ATP9B: variants seen among roughly 807,000 people sequenced by gnomAD.
ATP9B encodes the protein ATPase phospholipid transporting 9B, also known as probable phospholipid-transporting ATPase IIB.
Under a neutral mutation model 146.1 loss-of-function variants are expected in ATP9B, and 110 were observed. The ratio of observed to expected loss-of-function variants is 0.75; its 90% CI spans 0.65 to 0.88. ATP9B has a LOEUF of 0.88. Ranked by LOEUF, ATP9B falls within the 40% of genes least tolerant of loss-of-function variation. The pLI is 0.00. For synonymous variants in ATP9B, 604 were observed against 569.7 expected, an observed-to-expected ratio of 1.06 and a Z score of -0.86; for missense variants, 1,499 against 1,496.4, an observed-to-expected ratio of 1.00 and a Z score of -0.03.
chr18:79,367,491 T>C (rs555884), intron 26 of ATP9B, among the ~76,000 whole-genome samples: 10 of 112,084 alleles, frequency 8.9e-5, no homozygotes, highest in Admixed American at 1.8e-4. Flanking sequence ...TCACCTGCAC[T>C]GTGTGTACGC....
chr18:79,337,609 C>A (rs1426607677), intron 19 of ATP9B, among the ~76,000 whole-genome samples, 160 bp downstream of exon 19: 1 of 152,198 alleles, frequency 6.6e-6, no homozygotes, highest in Non-Finnish European at 1.5e-5. Context: ...TTAGGGACAT[C>A]TGCAGCTGGT....
chr18:79,145,507 G>A (rs1220838529), intron 6 of ATP9B: 1 of 87,968 alleles, frequency 1.1e-5, no homozygotes, highest in Non-Finnish European at 2.3e-5. Context: ...GCATGTCGGG[G>A]GAGCTGGCGG....
chr18:79,338,757 C>T (rs1354672400), intron 19 of ATP9B, among the ~76,000 whole-genome samples: 3 of 152,122 alleles, frequency 2.0e-5, no homozygotes, highest in African/African-American at 7.2e-5. Flanking sequence ...TCATTGAAGC[C>T]GAAAGGTCAA....
intron 1 of ATP9B, among the ~76,000 whole-genome samples, chr18:79,091,604 T>C (rs1025591865): frequency 1.3e-5 from 2 of 152,236 alleles, no homozygotes; most frequent in African/African-American, 4.8e-5. Context: ...CATATAGAAA[T>C]GCTACTTATT....
intron 5 of ATP9B, among the ~76,000 whole-genome samples, chr18:79,131,988 G>A (rs1015500885): frequency 2.0e-5 from 3 of 152,238 alleles, no homozygotes; most frequent in African/African-American, 7.2e-5. Flanking sequence ...TGCCTAACAG[G>A]CATTGGGTTT....
At chr18:79,269,520 G>C (rs1347514320) in intron 12 of ATP9B, among the ~76,000 whole-genome samples, 1 of 152,054 alleles carries the variant, frequency 6.6e-6, no homozygotes, top group Admixed American at 6.5e-5. Flanking sequence ...GTATCCGTTT[G>C]TTTTATAATC....
intron 9 of ATP9B, among the ~76,000 whole-genome samples, chr18:79,204,386 T>A (rs1199085948): frequency 6.6e-6 from 1 of 152,194 alleles, no homozygotes; most frequent in Non-Finnish European, 1.5e-5. Flanking sequence ...TAAACCACTT[T>A]TACAGCCCTC....
intron 23 of ATP9B, 87 bp downstream of exon 23, chr18:79,345,926 C>T (rs1039190965): frequency 2.1e-6 from 3 of 1,452,704 alleles, no homozygotes; most frequent in Non-Finnish European, 2.9e-6. Flanking sequence ...GTACACTCAG[C>T]ACCTACTTGG....
At chr18:79,258,438 AAAT>A (rs766216188) in intron 12 of ATP9B, among the ~76,000 whole-genome samples, 1 of 152,164 alleles carries the variant, frequency 6.6e-6, no homozygotes, top group East Asian at 1.9e-4. Context: ...TCGAAAGAAA[AAAT>A]AATAATAATA....
intron 12 of ATP9B, among the ~76,000 whole-genome samples, chr18:79,263,604 C>T (rs1280224178): frequency 6.6e-6 from 1 of 152,132 alleles, no homozygotes; most frequent in Non-Finnish European, 1.5e-5. Flanking sequence ...GTGTACAGGA[C>T]GTTGTGTTGT....
chr18:79,329,234 C>T lies in ATP9B; in HGVS notation c.1867C>T (p.Leu623Phe), dbSNP rs1447523264. 1.2e-6 allele frequency: 2 copies of T among 1,612,772 alleles called. No homozygotes were observed. The highest frequency in any genetic ancestry group is 1.3e-5 in the African/African-American group (1 of 74,886). Residue 623 changes from leucine (L) to phenylalanine (F), a missense_variant, in exon 16 of 30, where the codon CTC (leucine) becomes TTC (phenylalanine). Leu to Phe is a conservative substitution (Grantham distance 22). Coordinates refer to ENST00000426216, the MANE Select transcript of ATP9B (RefSeq NM_198531.5). ...MQLKTPSGQVLSFCILQLFPF... is the reference protein window; with the variant it reads ...MQLKTPSGQVFSFCILQLFPF... ...GCTGAAGACCCCCAGTGGCCAGGTCCTCAGCTTCTGCATTCTGCAGCTGTT... is the reference window on the plus strand; with the variant it reads ...GCTGAAGACCCCCAGTGGCCAGGTCTTCAGCTTCTGCATTCTGCAGCTGTT...
chr18:79,163,234 CTT>C (rs1297044577), intron 7 of ATP9B, among the ~76,000 whole-genome samples: 7 of 152,180 alleles, frequency 4.6e-5, no homozygotes, highest in Admixed American at 2.6e-4. Context: ...CTGTACTTAA[CTT>C]GAGTAAAAGT....
chr18:79,337,684 G>A (rs932511942), intron 19 of ATP9B, among the ~76,000 whole-genome samples: 30 of 152,190 alleles, frequency 2.0e-4, no homozygotes, highest in Admixed American at 9.8e-4. Context: ...TCCCTCTCTG[G>A]ATACCCCAGC....
chr18:79,082,190 G>T (rs2073338771), intron 1 of ATP9B, among the ~76,000 whole-genome samples: 1 of 152,036 alleles, frequency 6.6e-6, no homozygotes, highest in Non-Finnish European at 1.5e-5. Context: ...TCTTCCACTT[G>T]ATTTGGCTAT....
intron 15 of ATP9B, among the ~76,000 whole-genome samples, chr18:79,320,447 C>T (rs748644366): frequency 1.1e-4 from 16 of 152,278 alleles, no homozygotes; most frequent in African/African-American, 3.1e-4. Context: ...GCTGCGCGGC[C>T]GGCACTCCAC....
At chr18:79,241,616 C>G (rs2095889810) in intron 11 of ATP9B, among the ~76,000 whole-genome samples, 1 of 152,228 alleles carries the variant, frequency 6.6e-6, no homozygotes, top group South Asian at 2.1e-4. Context: ...AGACAATTCA[C>G]TAATTACTAG....
At chr18:79,103,847 G>GC (rs1317568788) in intron 2 of ATP9B, among the ~76,000 whole-genome samples, 4 of 152,100 alleles carry the variant, frequency 2.6e-5, no homozygotes, top group Admixed American at 2.6e-4. Context: ...GGTGAGGTAG[G>GC]CCCCCACGAC....
chr18:79,196,159 G>T (rs543945590), intron 9 of ATP9B, among the ~76,000 whole-genome samples: 122 of 152,338 alleles, frequency 8.0e-4, no homozygotes, highest in Non-Finnish European at 1.5e-3. Context: ...TTTCCAGGAG[G>T]CTCAGGGGAA....
At chr18:79,370,921 T>G (rs2097065666) in intron 26 of ATP9B, among the ~76,000 whole-genome samples, 1 of 152,200 alleles carries the variant, frequency 6.6e-6, no homozygotes, top group Non-Finnish European at 1.5e-5. Flanking sequence ...AGTTTTTGAA[T>G]AAAATGAGCC....
Sources: gnomAD v4.1 joint callset for allele counts (sites outside exome capture counted in the v4.1 genomes callset) on GRCh38, gnomAD v4.1.1 for gene constraint, MANE v1.5 for transcripts, NCBI Gene and HGNC (gene_info 2026-07-23, HGNC 2026-07-21) for gene names.